SPATA16: variants seen among roughly 807,000 people sequenced by gnomAD.
SPATA16 encodes the protein spermatogenesis associated 16.
Under a neutral mutation model 63.3 loss-of-function variants are expected in SPATA16, and 36 were observed. The ratio of observed to expected loss-of-function variants is 0.57; its 90% CI spans 0.44 to 0.75. SPATA16 has a LOEUF of 0.75. Among genes scored for constraint, SPATA16 ranks in the 30% least tolerant of loss-of-function variants. SPATA16 has a pLI of 0.00. For missense variants in SPATA16, 646 were observed against 679.3 expected (o/e 0.95, Z 0.54); for synonymous variants, 203 against 216.7 (o/e 0.94, Z 0.56).
chr3:172,893,566 C>T (rs1273020395), intron 10 of SPATA16, among the ~76,000 whole-genome samples: 1 of 152,176 alleles, frequency 6.6e-6, no homozygotes, highest in African/African-American at 2.4e-5. Context: ...GCTATGGCAG[C>T]CCTAGCATCT....
Position 172,889,626 on chromosome 3 carries a change from T to C in SPATA16, c.1654A>G (p.Thr552Ala). Reference protein sequence around the residue: ...DSFLKTKKLRTARRQKTKMKR... With the variant: ...DSFLKTKKLRAARRQKTKMKR... ...ATTTTTGTTTTTTGCCTTCGAGCAGTTCTCAGTTTTTTAGTTTTTAAGAAA... is the reference window on the plus strand; with the variant it reads ...ATTTTTGTTTTTTGCCTTCGAGCAGCTCTCAGTTTTTTAGTTTTTAAGAAA... The change falls in exon 11 of 11, where the codon ACT becomes GCT. Residue 552 changes from threonine to alanine, a missense_variant. Transcript: ENST00000351008. 1 of 1,613,876 alleles carries C rather than the reference T, an allele frequency of 6.2e-7. No homozygotes were observed. Among genetic ancestry groups the C allele is most frequent in the Non-Finnish European group, 8.5e-7 (1 of 1,179,860 alleles).
chr3:172,983,296 C>A (rs1734363358), intron 4 of SPATA16, among the ~76,000 whole-genome samples: 1 of 151,596 alleles, frequency 6.6e-6, no homozygotes, highest in African/African-American at 2.4e-5. Context: ...TAATTAACCC[C>A]AGTTGCTTCC....
chr3:172,915,883 G>C (rs1191222643), intron 9 of SPATA16, among the ~76,000 whole-genome samples: 15 of 152,124 alleles, frequency 9.9e-5, no homozygotes, highest in Admixed American at 9.8e-4. Context: ...TTTAACCCTA[G>C]AAGTGATTAA....
intron 5 of SPATA16, among the ~76,000 whole-genome samples, chr3:172,961,249 A>G (rs1560080548): frequency 6.6e-6 from 1 of 152,130 alleles, no homozygotes; most frequent in Non-Finnish European, 1.5e-5. Flanking sequence ...ATTATAGATT[A>G]TCATCAAATT....
chr3:173,092,210 A>G (rs1737242642), intron 2 of SPATA16, among the ~76,000 whole-genome samples: 2 of 152,164 alleles, frequency 1.3e-5, no homozygotes, highest in African/African-American at 2.4e-5. Flanking sequence ...ACTGCCATCC[A>G]TGAACTCTGG....
chr3:173,111,429 A>G (rs1314746487), intron 2 of SPATA16, among the ~76,000 whole-genome samples: 1 of 152,248 alleles, frequency 6.6e-6, no homozygotes, highest in Non-Finnish European at 1.5e-5. Context: ...AACAACAACA[A>G]TAACAAAATG....
intron 4 of SPATA16, among the ~76,000 whole-genome samples, chr3:172,998,450 T>C (rs980659544): frequency 1.3e-5 from 2 of 152,160 alleles, no homozygotes; most frequent in Non-Finnish European, 2.9e-5. Context: ...CTGATTATTT[T>C]AGATTTTCTT....
At chr3:173,140,891 GTCT>G (rs777609126) in intron 1 of SPATA16, among the ~76,000 whole-genome samples, 2 of 152,184 alleles carry the variant, frequency 1.3e-5, no homozygotes, top group Non-Finnish European at 2.9e-5. Flanking sequence ...GGAACTACCT[GTCT>G]TCTAACTGCC....
chr3:172,976,845 A>T, intron 5 of SPATA16, 123 bp downstream of exon 5: 1 of 772,504 alleles, frequency 1.3e-6, no homozygotes, highest in Non-Finnish European at 2.2e-6. Context: ...ATTATTCAGT[A>T]CCTTCTTTCT....
chr3:172,933,229 G>A (rs552079080), intron 6 of SPATA16, among the ~76,000 whole-genome samples: 1 of 152,116 alleles, frequency 6.6e-6, no homozygotes, highest in Admixed American at 6.5e-5. Flanking sequence ...TTCTTGCACT[G>A]TATGAGAGTT....
chr3:173,042,220 A>C (rs1418801143), intron 3 of SPATA16, among the ~76,000 whole-genome samples: 5 of 151,932 alleles, frequency 3.3e-5, no homozygotes, highest in Admixed American at 3.3e-4. Flanking sequence ...TTTATTTATT[A>C]ATTTATTATT....
At chr3:173,010,839 A>G (rs748037043) in intron 4 of SPATA16, among the ~76,000 whole-genome samples, 32 of 152,056 alleles carry the variant, frequency 2.1e-4, no homozygotes, top group Non-Finnish European at 4.0e-4. Context: ...GAGTTCAGCC[A>G]GTGACCTGAG....
intron 4 of SPATA16, among the ~76,000 whole-genome samples, chr3:172,998,918 C>T: frequency 6.6e-6 from 1 of 151,842 alleles, no homozygotes; most frequent in Non-Finnish European, 1.5e-5. Context: ...GAGTATGATT[C>T]TTTTTACGTA....
At chr3:172,926,252 T>C (rs1456490111) in intron 6 of SPATA16, among the ~76,000 whole-genome samples, 2 of 152,200 alleles carry the variant, frequency 1.3e-5, no homozygotes, top group Admixed American at 1.3e-4. Flanking sequence ...CCATCCTTCA[T>C]CTAGCCATAG....
intron 2 of SPATA16, among the ~76,000 whole-genome samples, chr3:173,090,520 G>C (rs1225171896): frequency 6.6e-6 from 1 of 152,156 alleles, no homozygotes; most frequent in African/African-American, 2.4e-5. Flanking sequence ...GCATCACCCT[G>C]AGATCAGAAA....
At chr3:173,081,089 C>G (rs987832140) in intron 2 of SPATA16, among the ~76,000 whole-genome samples, 1 of 152,082 alleles carries the variant, frequency 6.6e-6, no homozygotes, top group African/African-American at 2.4e-5. Context: ...TCCTTTGAAC[C>G]CTAATATCAA....
chr3:172,968,205 C>T (rs73882554), intron 5 of SPATA16, among the ~76,000 whole-genome samples: 4,819 of 152,304 alleles, frequency 0.032, 233 homozygotes, highest in African/African-American at 0.11. Context: ...AAGCACGCTG[C>T]CCCTTGCAGG....
chr3:172,947,598 C>A (rs562237797), intron 6 of SPATA16, among the ~76,000 whole-genome samples: 2 of 150,472 alleles, frequency 1.3e-5, no homozygotes, highest in East Asian at 3.9e-4. Context: ...TACTATGCAG[C>A]CATAAAAAGG....
chr3:173,138,766 G>C (rs1560136644), intron 1 of SPATA16, among the ~76,000 whole-genome samples: 2 of 152,182 alleles, frequency 1.3e-5, no homozygotes, highest in East Asian at 3.8e-4. Flanking sequence ...AAAGGTTAAA[G>C]AGACGCTTTC....
Sources: allele counts gnomAD v4.1 joint callset (sites outside exome capture counted in the v4.1 genomes callset), GRCh38; gene constraint gnomAD v4.1.1; transcripts MANE v1.5; gene names NCBI Gene and HGNC (gene_info 2026-07-23, HGNC 2026-07-21).